Variants in CEP89 observed in about 807,000 individuals in gnomAD.
CEP89 encodes centrosomal protein of 89 kDa.
CEP89 carries 95 observed loss-of-function variants against 97.6 expected under a neutral mutation model. The observed-to-expected ratio is 0.97, with a 90% CI of 0.82 to 1.15. CEP89 has a LOEUF of 1.15. Ranked by LOEUF, CEP89 falls within the 50% of genes most tolerant of loss-of-function variation. CEP89 has a pLI of 0.00. For missense variants in CEP89, 869 were observed against 947.7 expected (o/e 0.92, Z 1.09); for synonymous variants, 354 against 349.1 (o/e 1.01, Z -0.16).
rs974562258 is a variant in CEP89, at chr19:32,959,826, T to C, written c.305+74A>G. On this transcript the variant is annotated intron_variant, in intron 3 of 18. Transcript: ENST00000305768. ...GCACACACATGTACGCATGCACACA[T>C]ACACGTAGAGACCAGGCTGAGCCTG... The C allele has an allele frequency of 1.5e-5, 23 of 1,546,988 alleles. No individual in the cohort carries two copies. The Admixed American group carries it at 2.8e-4, about 19-fold the overall frequency.
chr19:32,971,834 A>C lies in CEP89; in HGVS notation c.39+2T>G. ...ACGCGCGGCGGGCGAGCATCTACTTACGAAATGACTCCTGCGGCCTCTCCG... is the reference window on the plus strand; with the variant it reads ...ACGCGCGGCGGGCGAGCATCTACTTCCGAAATGACTCCTGCGGCCTCTCCG... On this transcript the variant is annotated splice_donor_variant, in intron 1 of 18. Transcript: ENST00000305768. LOFTEE classifies it high-confidence loss of function. 1 of 1,593,922 alleles carries C rather than the reference A, an allele frequency of 6.3e-7. No individual in the cohort carries two copies. The highest frequency in any genetic ancestry group is 8.5e-7 in the Non-Finnish European group (1 of 1,169,774).
In CEP89 at chr19:32,952,919, A is replaced by AG. The variant is rs1194469268; in HGVS notation, c.492+695_492+696insC. Among the ~76,000 whole-genome samples, 5 of 60,974 alleles carry AG rather than the reference A, an allele frequency of 8.2e-5. No homozygotes were observed. The South Asian group carries it at 1.9e-3, about 23-fold the overall frequency. 40.0% of individuals were successfully genotyped at this position (60,974 alleles called of 152,430 possible). ...ACTCTGTCTCAAAAAAAAAAAAAAA[A>AG]AAAAAGAAAAGAAAAAGAAAAGAAA... On this transcript the variant is annotated intron_variant, in intron 4 of 18. Coordinates refer to ENST00000305768, the MANE Select transcript of CEP89 (RefSeq NM_032816.5).
intron 5 of CEP89, among the ~76,000 whole-genome samples, chr19:32,944,110 C>T (rs1970744006): frequency 6.6e-6 from 1 of 150,922 alleles, no homozygotes; most frequent in South Asian, 2.1e-4. Flanking sequence ...ACCTGTAGTC[C>T]CAGCTATTCA....
intron 12 of CEP89, among the ~76,000 whole-genome samples, chr19:32,919,728 A>C (rs1209467580): frequency 6.6e-6 from 1 of 152,124 alleles, no homozygotes; most frequent in Non-Finnish European, 1.5e-5. Flanking sequence ...GCAGTGGTGA[A>C]ATCTTGGCCC....
rs557648476 is a variant in CEP89, at chr19:32,899,581, C to CAATCTACATTTTTTA, written c.1875+261_1875+275dup. Reference sequence around the variant, plus strand: ...AGATGGTTCCCAACTTATGATGGTTCAATCTACATTTTTTAAGCTTTATAA... The same window carrying CAATCTACATTTTTTA: ...AGATGGTTCCCAACTTATGATGGTTCAATCTACATTTTTTAAATCTACATTTTTTAAGCTTTATAA... On this transcript the variant is annotated intron_variant, in intron 16 of 18. Transcript: ENST00000305768. Among the ~76,000 whole-genome samples, 36 of 152,280 alleles carry CAATCTACATTTTTTA rather than the reference C, an allele frequency of 2.4e-4. 2 individuals are homozygous for CAATCTACATTTTTTA. The South Asian group carries it at 6.2e-3, about 26-fold the overall frequency.
At position 32,879,248 on chromosome 19, in the gene CEP89, T is replaced by C. The variant is rs1220148316; in HGVS notation, c.2266A>G (p.Ser756Gly). The change falls in exon 19 of 19, where the codon AGC becomes GGC. Residue 756 changes from serine to glycine, a missense_variant. Physicochemically the swap from Ser to Gly is moderately conservative, Grantham distance 56 (BLOSUM62 0). Transcript: ENST00000305768. ...QDNPRALVAPSLNGVSQADLL... is the reference protein window; with the variant it reads ...QDNPRALVAPGLNGVSQADLL... ...TCTGCCTGAGAGACGCCATTGAGGC[T>C]GGGGGCAACCAGAGCTCTGGGGTTG... is the stretch of plus-strand genomic sequence containing the variant. 1.2e-6 allele frequency: 2 copies of C among 1,614,182 alleles called. No homozygotes were observed. Among genetic ancestry groups the C allele is most frequent in the Non-Finnish European group, 1.7e-6 (2 of 1,180,002 alleles).
At chr19:32,923,349 T>C (rs185245014) in intron 12 of CEP89, 90 bp downstream of exon 12, 25 of 634,348 alleles carry the variant, frequency 3.9e-5, no homozygotes, top group Non-Finnish European at 6.1e-5. Context: ...TAGTTAAGAA[T>C]GTAATTATGT....
At chr19:32,905,780 G>C (rs1285638054) in intron 14 of CEP89, among the ~76,000 whole-genome samples, 1 of 152,124 alleles carries the variant, frequency 6.6e-6, no homozygotes, top group Non-Finnish European at 1.5e-5. Context: ...GTACAGTGGT[G>C]CAATCACTGC....
intron 16 of CEP89, among the ~76,000 whole-genome samples, chr19:32,892,637 G>T (rs1162211981): frequency 2.0e-5 from 3 of 148,618 alleles, no homozygotes; most frequent in South Asian, 2.1e-4. Flanking sequence ...AACCTTACAG[G>T]CCAGGAGAGA....
chr19:32,916,797 GGTCAGGA>G (rs1461121490), intron 13 of CEP89, among the ~76,000 whole-genome samples: 1 of 152,100 alleles, frequency 6.6e-6, no homozygotes, highest in Non-Finnish European at 1.5e-5. Context: ...GATCACTTGA[GGTCAGGA>G]GTTCAAGACC....
At chr19:32,943,868 G>A (rs1480249370) in intron 5 of CEP89, among the ~76,000 whole-genome samples, 1 of 151,998 alleles carries the variant, frequency 6.6e-6, no homozygotes, top group Admixed American at 6.6e-5. Flanking sequence ...GTATGTGGGG[G>A]TGTGAAGGGA....
chr19:32,953,375 A>C (rs1970965969), intron 4 of CEP89, among the ~76,000 whole-genome samples: 1 of 152,060 alleles, frequency 6.6e-6, no homozygotes, highest in South Asian at 2.1e-4. Context: ...TAAGCTGTGA[A>C]TGGAACTCCA....
chr19:32,909,064 T>C (rs1297192162), intron 14 of CEP89, among the ~76,000 whole-genome samples: 1 of 152,232 alleles, frequency 6.6e-6, no homozygotes, highest in Admixed American at 6.5e-5. Flanking sequence ...TGGTGAGCTG[T>C]CAGTTGGCTT....
intron 16 of CEP89, among the ~76,000 whole-genome samples, chr19:32,892,918 G>A (rs1969563789): frequency 6.6e-6 from 1 of 151,966 alleles, no homozygotes; most frequent in East Asian, 1.9e-4. Context: ...ACACAAATGA[G>A]GAAGAGAAGG....
chr19:32,902,004 C>CTGTGTGTGTGTGTGTG (rs1455977169), intron 14 of CEP89, among the ~76,000 whole-genome samples: 3,185 of 99,540 alleles, frequency 0.032, 67 homozygotes, highest in East Asian at 0.067. Context: ...CTGTCTCTCT[C>CTGTGTGTGTGTGTGTG]TCTCTCTGTG....
chr19:32,946,074 C>G (rs1970791217), intron 5 of CEP89, among the ~76,000 whole-genome samples: 1 of 152,130 alleles, frequency 6.6e-6, no homozygotes, highest in African/African-American at 2.4e-5. Context: ...TCTCTTTACT[C>G]CTTAGTAGGC....
At chr19:32,934,813 C>A (rs1448771674) in intron 7 of CEP89, among the ~76,000 whole-genome samples, 1 of 151,942 alleles carries the variant, frequency 6.6e-6, no homozygotes, top group East Asian at 1.9e-4. Context: ...CACAAAGTGG[C>A]CTAGAAAGAG....
chr19:32,902,016 G>C (rs199980054), intron 14 of CEP89, among the ~76,000 whole-genome samples: 30,923 of 139,012 alleles, frequency 0.22, 3,375 homozygotes, highest in Admixed American at 0.34. Flanking sequence ...CTCTCTGTGT[G>C]TGTGTGTGTG....
chr19:32,877,535 G>A lies in CEP89; in HGVS notation c.*1627C>T, dbSNP rs941547987. 1 of 152,224 alleles carries A rather than the reference G, an allele frequency of 6.6e-6. No individual in the cohort carries two copies. Among genetic ancestry groups the A allele is most frequent in the African/African-American group, 2.4e-5 (1 of 41,302 alleles). 9.4% of individuals were successfully genotyped at this position (152,224 alleles called of 1,614,324 possible). On this transcript the variant is annotated 3_prime_UTR_variant, in exon 19 of 19. Transcript: ENST00000305768. ...ACATGGGACAGAACCATGGCCCCCTGGTATGCTTCTTGGTGGTGGCAGTGG... is the reference window on the plus strand; with the variant it reads ...ACATGGGACAGAACCATGGCCCCCTAGTATGCTTCTTGGTGGTGGCAGTGG...
Sources: allele counts gnomAD v4.1 joint callset (sites outside exome capture counted in the v4.1 genomes callset), GRCh38; gene constraint gnomAD v4.1.1; transcripts MANE v1.5; gene names NCBI Gene and HGNC (gene_info 2026-07-23, HGNC 2026-07-21).